DOCK3: variants seen among roughly 807,000 people sequenced by gnomAD.
DOCK3 encodes dedicator of cytokinesis protein 3.
Under a neutral mutation model 265.6 loss-of-function variants are expected in DOCK3, and 60 were observed. The observed-to-expected ratio is 0.23, with a 90% CI of 0.18 to 0.28. The LOEUF is 0.28. Among genes scored for constraint, DOCK3 ranks in the 10% least tolerant of loss-of-function variants. The pLI is 1.00. For missense variants in DOCK3, 1,981 were observed against 2,594.3 expected, an observed-to-expected ratio of 0.76 and a Z score of 5.14; for synonymous variants, 881 against 938.0, an observed-to-expected ratio of 0.94 and a Z score of 1.11.
rs150445167 is a variant in DOCK3 at position 51,186,002 on chromosome 3, C to T, written c.1038-22772C>T. On this transcript the variant is annotated intron_variant, in intron 12 of 52. Transcript: ENST00000266037. ...TACAATAAATTGGTACCAGTAGAGT[C>T]GGGCACTGCTGAAAAGATACCTAAA... is the stretch of plus-strand genomic sequence containing the variant. Among the ~76,000 whole-genome samples, 244 of 152,126 alleles carry T rather than the reference C, an allele frequency of 1.6e-3. 3 individuals are homozygous for T. Among genetic ancestry groups the T allele is most frequent in the African/African-American group, 5.5e-3 (229 of 41,496 alleles).
chr3:51,081,486 C>T (rs576168132), intron 7 of DOCK3, among the ~76,000 whole-genome samples: 81 of 152,234 alleles, frequency 5.3e-4, no homozygotes, highest in African/African-American at 1.8e-3. Context: ...CAGCCACTTA[C>T]AGTATGATAG....
chr3:51,374,730 T>C lies in DOCK3; in HGVS notation c.5412+143T>C, dbSNP rs1177015670. ...ATCCCGCAAAAGGCCGCTGGGCTTC[T>C]GGATGTGGAGTGCAGTGAACCTGAG... On this transcript the variant is annotated intron_variant, in intron 50 of 52. Coordinates refer to ENST00000266037, the MANE Select transcript of DOCK3 (RefSeq NM_004947.5). The surrounding 1 kb of genome is among the most constrained non-coding windows in gnomAD (Gnocchi z 4.8). The C allele has an allele frequency of 2.5e-6, 2 of 793,156 alleles. No homozygotes were observed. The highest frequency in any genetic ancestry group is 1.7e-5 in the African/African-American group (1 of 58,380). 49.1% of individuals were successfully genotyped at this position (793,156 alleles called of 1,614,324 possible). A position where few individuals can be genotyped will look rare whatever the true frequency, so the allele number is the denominator to read the frequency against.
At chr3:51,101,559 C>T (rs1351014597) in intron 9 of DOCK3, among the ~76,000 whole-genome samples, 1 of 152,184 alleles carries the variant, frequency 6.6e-6, no homozygotes, top group African/African-American at 2.4e-5. Flanking sequence ...TTTCAACTTA[C>T]AGTGAAAACT....
At chr3:50,809,435 G>A (rs1199782722) in intron 2 of DOCK3, among the ~76,000 whole-genome samples, 4 of 152,174 alleles carry the variant, frequency 2.6e-5, no homozygotes, top group Non-Finnish European at 4.4e-5. Context: ...TAGTGAGAAT[G>A]TCGATCGGTT....
chr3:50,773,165 GCCAACAATA>G (rs1198765930), intron 1 of DOCK3, among the ~76,000 whole-genome samples: 1 of 152,078 alleles, frequency 6.6e-6, no homozygotes, highest in Non-Finnish European at 1.5e-5. Flanking sequence ...TGACAAAGGT[GCCAACAATA>G]CTCATTGGGG....
At chr3:51,236,524 A>G (rs1346621260) in intron 20 of DOCK3, 96 bp downstream of exon 20, 4 of 1,108,568 alleles carry the variant, frequency 3.6e-6, no homozygotes, top group Non-Finnish European at 5.3e-6. Flanking sequence ...GAATCAGCAC[A>G]AGATATAGAT....
intron 9 of DOCK3, among the ~76,000 whole-genome samples, chr3:51,090,857 G>T (rs2082611478): frequency 6.6e-6 from 1 of 152,136 alleles, no homozygotes; most frequent in African/African-American, 2.4e-5. Flanking sequence ...CTTTTATATT[G>T]CTTGGGAACT....
intron 51 of DOCK3, among the ~76,000 whole-genome samples, chr3:51,378,134 T>C (rs2088289979): frequency 6.6e-6 from 1 of 152,144 alleles, no homozygotes; most frequent in South Asian, 2.1e-4. Context: ...CAGAATTCTT[T>C]CCTCCTTTCA....
chr3:50,999,096 A>G (rs1015575936), intron 5 of DOCK3, among the ~76,000 whole-genome samples: 2 of 152,244 alleles, frequency 1.3e-5, no homozygotes, highest in African/African-American at 4.8e-5. Context: ...GCTATCAGTG[A>G]AGCAAATATT....
chr3:51,025,391 G>A (rs1206911757), intron 5 of DOCK3, among the ~76,000 whole-genome samples: 4 of 152,114 alleles, frequency 2.6e-5, no homozygotes, highest in Admixed American at 1.3e-4. Flanking sequence ...TTCCCACATC[G>A]TTTTCAAGGT....
chr3:50,992,804 A>G (rs2078156021), intron 5 of DOCK3, among the ~76,000 whole-genome samples: 1 of 152,196 alleles, frequency 6.6e-6, no homozygotes, highest in African/African-American at 2.4e-5. Context: ...GGCAAATTCC[A>G]CATACATCCT....
At chr3:50,869,342 A>ATTTTTTTTTTTTT (rs755531254) in intron 3 of DOCK3, among the ~76,000 whole-genome samples, 935 of 70,104 alleles carry the variant, frequency 0.013, 463 homozygotes, top group South Asian at 0.022. Flanking sequence ...TCTGCTGGGA[A>ATTTTTTTTTTTTT]TTTTTTTTTT....
At chr3:50,835,059 C>G (rs924073551) in intron 2 of DOCK3, among the ~76,000 whole-genome samples, 9 of 152,164 alleles carry the variant, frequency 5.9e-5, no homozygotes, top group Non-Finnish European at 1.3e-4. Flanking sequence ...CAGATTAGTG[C>G]TCTGAGAAAA....
At chr3:51,258,826 C>G (rs1221336816) in intron 22 of DOCK3, among the ~76,000 whole-genome samples, 1 of 152,204 alleles carries the variant, frequency 6.6e-6, no homozygotes, top group Non-Finnish European at 1.5e-5. Flanking sequence ...AGACCTGCTA[C>G]CTAGCCATTT....
intron 1 of DOCK3, among the ~76,000 whole-genome samples, chr3:50,734,431 G>A (rs1407019486): frequency 1.3e-5 from 2 of 152,012 alleles, no homozygotes; most frequent in African/African-American, 4.8e-5. Context: ...GAGCCCAGGA[G>A]CTCAAGGCTG....
At chr3:50,847,032 G>T (rs1244336565) in intron 3 of DOCK3, among the ~76,000 whole-genome samples, 1 of 151,798 alleles carries the variant, frequency 6.6e-6, no homozygotes, top group Non-Finnish European at 1.5e-5. Flanking sequence ...TATCTTTGGG[G>T]TTACTTTGTT....
At chr3:51,069,478 C>A (rs2081756722) in intron 6 of DOCK3, among the ~76,000 whole-genome samples, 1 of 54,064 alleles carries the variant, frequency 1.8e-5, no homozygotes, top group Admixed American at 2.3e-4. Flanking sequence ...TGGAAAAATA[C>A]CTAAGAAATA....
chr3:51,313,241 G>T (rs1432420738), intron 31 of DOCK3, among the ~76,000 whole-genome samples: 1 of 152,192 alleles, frequency 6.6e-6, no homozygotes, highest in African/African-American at 2.4e-5. Flanking sequence ...TCACTTCCCA[G>T]TCTGGATGTT....
intron 1 of DOCK3, among the ~76,000 whole-genome samples, chr3:50,714,277 A>G (rs1032454012): frequency 2.0e-5 from 3 of 152,178 alleles, no homozygotes; most frequent in Admixed American, 1.3e-4. Flanking sequence ...TTTTTATTGC[A>G]TCATTTAGGA....
Sources: gnomAD v4.1 joint callset for allele counts (sites outside exome capture counted in the v4.1 genomes callset) on GRCh38, gnomAD v4.1.1 for gene constraint, Gnocchi (gnomAD v3.1) non-coding constraint, MANE v1.5 for transcripts, NCBI Gene and HGNC (gene_info 2026-07-23, HGNC 2026-07-21) for gene names.